The following PTN variants were observed in gnomAD, a reference collection of about 807,000 sequenced individuals.
PTN encodes the protein heparin affin regulatory protein.
Under a neutral mutation model 24.1 loss-of-function variants are expected in PTN, and 18 were observed. That is an observed-to-expected ratio of 0.75 (90% CI 0.52 to 1.11). The LOEUF (loss-of-function observed/expected upper bound fraction) is 1.11, where lower values mean the gene tolerates loss of function less well. PTN is among the 50% of genes least tolerant of loss of function. The probability of loss-of-function intolerance (pLI) is 0.00; values close to 1 mark genes in which losing one functional copy is unlikely to be tolerated. For synonymous variants in PTN, 78 were observed against 68.6 expected (o/e 1.14, Z -0.67); for missense variants, 163 against 198.8 (o/e 0.82, Z 1.08).
intron 1 of PTN, among the ~76,000 whole-genome samples, chr7:137,310,544 T>A (rs2128879759): frequency 6.6e-6 from 1 of 152,028 alleles, no homozygotes; most frequent in South Asian, 2.1e-4. Flanking sequence ...ATTACAGGCA[T>A]GCGCCACCAT....
intron 1 of PTN, among the ~76,000 whole-genome samples, chr7:137,262,275 T>C (rs1585018171): frequency 6.6e-6 from 1 of 152,316 alleles, no homozygotes; most frequent in South Asian, 2.1e-4. Flanking sequence ...ATATTTTTTA[T>C]TTAAAAGCAA....
At chr7:137,244,687 G>A (rs1156659899) in intron 4 of PTN, among the ~76,000 whole-genome samples, 2 of 151,692 alleles carry the variant, frequency 1.3e-5, no homozygotes, top group Non-Finnish European at 2.9e-5. Flanking sequence ...CAGATTAAGT[G>A]GGATTCCAAC....
chr7:137,316,653 C>G (rs1389253466), intron 1 of PTN, among the ~76,000 whole-genome samples: 2 of 152,166 alleles, frequency 1.3e-5, no homozygotes, highest in African/African-American at 4.8e-5. Flanking sequence ...GTGGAGATTA[C>G]TTTCCTTTCT....
In PTN at chr7:137,272,666, T is replaced by C. The variant is rs564167198; in HGVS notation, c.-1-17692A>G. 9.2e-5 allele frequency among the ~76,000 whole-genome samples: 14 copies of C among 152,348 alleles called. No individual in the cohort carries two copies. The South Asian group carries it at 2.9e-3, about 32-fold the overall frequency. ...CTTTAAATCTCTTCAATTTCTCTTCTTTGATTACCAATGCTAGCAATTGAC... is the reference window on the plus strand; with the variant it reads ...CTTTAAATCTCTTCAATTTCTCTTCCTTGATTACCAATGCTAGCAATTGAC... On this transcript the variant is annotated intron_variant, in intron 1 of 4. Transcript: ENST00000348225.
chr7:137,306,785 T>C (rs953926964), intron 1 of PTN, among the ~76,000 whole-genome samples: 1 of 152,120 alleles, frequency 6.6e-6, no homozygotes, highest in Non-Finnish European at 1.5e-5. Flanking sequence ...AAATCTGACT[T>C]ACTGTTTTGG....
intron 4 of PTN, among the ~76,000 whole-genome samples, chr7:137,243,965 G>A (rs890050445): frequency 3.3e-5 from 5 of 152,102 alleles, no homozygotes; most frequent in African/African-American, 9.7e-5. Context: ...TGGCCCTCCC[G>A]GAGATTCTTT....
chr7:137,248,112 T>C (rs1485071002), intron 4 of PTN, among the ~76,000 whole-genome samples: 2 of 152,330 alleles, frequency 1.3e-5, no homozygotes, highest in African/African-American at 2.4e-5. Flanking sequence ...ATGATAATGA[T>C]AGTATAGATT....
At chr7:137,277,834 T>C (rs977739509) in intron 1 of PTN, among the ~76,000 whole-genome samples, 4 of 152,040 alleles carry the variant, frequency 2.6e-5, no homozygotes, top group African/African-American at 9.7e-5. Flanking sequence ...CCTCCCAAAG[T>C]GCTTGGATTA....
chr7:137,300,276 G>C (rs1809785889), intron 1 of PTN, among the ~76,000 whole-genome samples: 2 of 151,986 alleles, frequency 1.3e-5, no homozygotes, highest in East Asian at 3.9e-4. Flanking sequence ...AGCGTAATTT[G>C]AGAAGCATAA....
intron 4 of PTN, among the ~76,000 whole-genome samples, chr7:137,246,654 G>A (rs534098076): frequency 6.6e-6 from 1 of 152,288 alleles, no homozygotes; most frequent in African/African-American, 2.4e-5. Context: ...ATAAGTCATT[G>A]ATTTTCTCTG....
intron 1 of PTN, among the ~76,000 whole-genome samples, chr7:137,284,504 T>A (rs1444526213): frequency 6.6e-6 from 1 of 152,134 alleles, no homozygotes; most frequent in Non-Finnish European, 1.5e-5. Context: ...AAAGAGTAAC[T>A]AAAAGATCAA....
At chr7:137,336,529 G>A (rs2128883608) in intron 1 of PTN, among the ~76,000 whole-genome samples, 1 of 152,266 alleles carries the variant, frequency 6.6e-6, no homozygotes, top group East Asian at 1.9e-4. Flanking sequence ...GACTTTGCCT[G>A]CCCAACCCCC....
intron 4 of PTN, among the ~76,000 whole-genome samples, chr7:137,241,371 G>A (rs531895819): frequency 6.6e-6 from 1 of 152,262 alleles, no homozygotes; most frequent in East Asian, 1.9e-4. Context: ...CACCCTGTGT[G>A]AGCAATGCAC....
chr7:137,303,301 T>C (rs1316520253), intron 1 of PTN, among the ~76,000 whole-genome samples: 1 of 151,982 alleles, frequency 6.6e-6, no homozygotes, highest in Admixed American at 6.6e-5. Flanking sequence ...CTCTTCTATG[T>C]AATATCCTTT....
chr7:137,281,231 C>T (rs1434936605), intron 1 of PTN, among the ~76,000 whole-genome samples: 1 of 151,000 alleles, frequency 6.6e-6, no homozygotes, highest in Non-Finnish European at 1.5e-5. Flanking sequence ...CAAGTGCCAA[C>T]TATAAGGGGG....
chr7:137,253,766 G>A, intron 2 of PTN, 129 bp from the exon 3 acceptor site: 1 of 764,418 alleles, frequency 1.3e-6, no homozygotes, highest in South Asian at 3.5e-5. Flanking sequence ...ATTGTCTAAT[G>A]AATAGTAGAA....
chr7:137,313,933 T>G (rs905498423), intron 1 of PTN, among the ~76,000 whole-genome samples: 2 of 152,180 alleles, frequency 1.3e-5, no homozygotes, highest in African/African-American at 4.8e-5. Flanking sequence ...GACATAGGTT[T>G]ATTATTCAAC....
intron 1 of PTN, among the ~76,000 whole-genome samples, chr7:137,337,203 G>C (rs1810463207): frequency 1.3e-5 from 2 of 152,176 alleles, no homozygotes; most frequent in Non-Finnish European, 2.9e-5. Flanking sequence ...GCTGCTGTAG[G>C]TTATTTGACC....
At chr7:137,322,943 T>G (rs1810189676) in intron 1 of PTN, among the ~76,000 whole-genome samples, 1 of 152,222 alleles carries the variant, frequency 6.6e-6, no homozygotes, top group African/African-American at 2.4e-5. Context: ...TAATTTGCCT[T>G]TACTAAGTGC....
Sources: allele counts gnomAD v4.1 joint callset (sites outside exome capture counted in the v4.1 genomes callset), GRCh38; gene constraint gnomAD v4.1.1; transcripts MANE v1.5; gene names NCBI Gene and HGNC (gene_info 2026-07-23, HGNC 2026-07-21).